POFUT3: variants seen among roughly 807,000 people sequenced by gnomAD.
POFUT3 encodes GDP-fucose protein O-fucosyltransferase 3.
the POFUT3 span, chr8:33,372,251 A>C: frequency 4.8e-6 from 5 of 1,051,774 alleles, no homozygotes; most frequent in Admixed American, 1.5e-4. Context: ...CTATAGCTAG[A>C]TCGTCTCCCT....
At chr8:33,351,286 C>A in the POFUT3 span, among the ~76,000 whole-genome samples, 2,341 of 152,236 alleles carry the variant, frequency 0.015, 59 homozygotes, top group African/African-American at 0.053. Context: ...GTTTTAAAGT[C>A]ATAAGTGTAC....
the POFUT3 span, among the ~76,000 whole-genome samples, chr8:33,379,320 G>A: frequency 6.6e-6 from 1 of 151,406 alleles, no homozygotes; most frequent in African/African-American, 2.4e-5. Flanking sequence ...TGACAGAAAA[G>A]AGGCATGTCC....
chr8:33,435,222 A>AT, the POFUT3 span, among the ~76,000 whole-genome samples: 45,170 of 144,254 alleles, frequency 0.31, 8,680 homozygotes, highest in African/African-American at 0.55. Flanking sequence ...TTTTAATTTA[A>AT]TTTTTTTTTT....
At chr8:33,366,926 A>AT in the POFUT3 span, among the ~76,000 whole-genome samples, 1 of 152,020 alleles carries the variant, frequency 6.6e-6, no homozygotes, top group Non-Finnish European at 1.5e-5. Context: ...TTTTACTCTT[A>AT]TTTTTGTCAC....
the POFUT3 span, among the ~76,000 whole-genome samples, chr8:33,318,712 AATATATTGTAT>A: frequency 5.0e-4 from 40 of 79,220 alleles, 1 homozygote; most frequent in African/African-American, 1.0e-3. Flanking sequence ...ATAATATATA[AATATATTGTAT>A]ATATATTTTA....
the POFUT3 span, among the ~76,000 whole-genome samples, chr8:33,334,416 C>A: frequency 2.6e-4 from 40 of 152,260 alleles, no homozygotes; most frequent in Non-Finnish European, 4.3e-4. Context: ...CAGGGTTTCA[C>A]CACGTTGCCC....
chr8:33,400,165 G>A, the POFUT3 span, among the ~76,000 whole-genome samples: 7 of 149,668 alleles, frequency 4.7e-5, no homozygotes, highest in Non-Finnish European at 1.0e-4. Context: ...GGGGGGGTGG[G>A]GAGGGGCCAG....
the POFUT3 span, among the ~76,000 whole-genome samples, chr8:33,427,236 G>A: frequency 6.6e-6 from 1 of 152,126 alleles, no homozygotes; most frequent in African/African-American, 2.4e-5. Flanking sequence ...GAGATGGGAG[G>A]ATCAAGAACA....
At chr8:33,375,183 T>C in the POFUT3 span, among the ~76,000 whole-genome samples, 1 of 152,088 alleles carries the variant, frequency 6.6e-6, no homozygotes, top group Non-Finnish European at 1.5e-5. Context: ...CGAGCCACCG[T>C]GCTCAGCTGA....
At chr8:33,311,266 C>G in the POFUT3 span, among the ~76,000 whole-genome samples, 1 of 152,208 alleles carries the variant, frequency 6.6e-6, no homozygotes, top group African/African-American at 2.4e-5. Flanking sequence ...TAGATTAACA[C>G]TGATGGGCTT....
chr8:33,420,482 G>T, the POFUT3 span, among the ~76,000 whole-genome samples: 90,716 of 151,524 alleles, frequency 0.6, 27,483 homozygotes, highest in African/African-American at 0.67. Context: ...GACTAAATGG[G>T]CATTCTTTAT....
At chr8:33,329,348 T>C in the POFUT3 span, among the ~76,000 whole-genome samples, 1 of 152,210 alleles carries the variant, frequency 6.6e-6, no homozygotes, top group Non-Finnish European at 1.5e-5. Flanking sequence ...AGTGATTATT[T>C]TCAAATACAT....
At chr8:33,422,663 G>A in the POFUT3 span, among the ~76,000 whole-genome samples, 1 of 151,304 alleles carries the variant, frequency 6.6e-6, no homozygotes, top group Non-Finnish European at 1.5e-5. Context: ...TTGCTAATCA[G>A]GAAGATTAAC....
chr8:33,380,039 C>CTATATATATT, the POFUT3 span, among the ~76,000 whole-genome samples: 4 of 56,208 alleles, frequency 7.1e-5, no homozygotes, highest in African/African-American at 4.3e-4. Flanking sequence ...TATATATATA[C>CTATATATATT]GATATATATA....
At chr8:33,361,511 T>G in the POFUT3 span, 1 of 152,218 alleles carries the variant, frequency 6.6e-6, no homozygotes, top group African/African-American at 2.4e-5. Flanking sequence ...TTCTATCATA[T>G]GAGGCGTCCA....
chr8:33,471,311 A>C, the POFUT3 span, among the ~76,000 whole-genome samples: 1 of 152,050 alleles, frequency 6.6e-6, no homozygotes, highest in African/African-American at 2.4e-5. Flanking sequence ...GCAGTGGCGC[A>C]GTCTTGGCTC....
the POFUT3 span, among the ~76,000 whole-genome samples, chr8:33,463,625 G>A: frequency 1.3e-5 from 2 of 152,082 alleles, no homozygotes; most frequent in African/African-American, 4.8e-5. Context: ...GCTCACTGTA[G>A]CCTCCAACTC....
the POFUT3 span, among the ~76,000 whole-genome samples, chr8:33,470,270 G>A: frequency 7.4e-6 from 1 of 134,430 alleles, no homozygotes; most frequent in Admixed American, 7.4e-5. Context: ...AAAAAAGTTA[G>A]CTGGGCATGC....
At chr8:33,406,223 T>C in the POFUT3 span, among the ~76,000 whole-genome samples, 1 of 151,886 alleles carries the variant, frequency 6.6e-6, no homozygotes, top group Non-Finnish European at 1.5e-5. Context: ...TCAATAGATA[T>C]ATTCTAACAT....
Sources: gnomAD v4.1 joint callset for allele counts (sites outside exome capture counted in the v4.1 genomes callset) on GRCh38, gnomAD v4.1.1 for gene constraint, MANE v1.5 for transcripts, NCBI Gene and HGNC (gene_info 2026-07-23, HGNC 2026-07-21) for gene names.